DNAI4: variants seen among roughly 807,000 people sequenced by gnomAD.
DNAI4 encodes the protein WD repeat domain 78.
A neutral mutation model predicts 105.8 loss-of-function variants in DNAI4; 85 were observed. The observed-to-expected ratio is 0.80, with a 90% CI of 0.67 to 0.96. The LOEUF (loss-of-function observed/expected upper bound fraction) is 0.96. DNAI4 is among the 40% of genes least tolerant of loss of function. The pLI is 0.00. For missense variants in DNAI4, 1,014 were observed against 1,005.6 expected (o/e 1.01, Z -0.11); for synonymous variants, 352 against 331.5 (o/e 1.06, Z -0.67).
chr1:66,869,294 G>A (rs943037358), intron 6 of DNAI4, among the ~76,000 whole-genome samples: 8 of 151,846 alleles, frequency 5.3e-5, no homozygotes, highest in African/African-American at 1.7e-4. Context: ...TTGAGTTAAT[G>A]TATAATTCTA....
intron 3 of DNAI4, among the ~76,000 whole-genome samples, chr1:66,893,007 G>GGAAAGAAAGAAAGAA (rs1647863264): frequency 1.9e-5 from 2 of 104,814 alleles, no homozygotes; most frequent in African/African-American, 4.0e-5. Flanking sequence ...GAGAGAAAGA[G>GGAAAGAAAGAAAGAA]AGAGAGGAAA....
chr1:66,865,012 T>A (rs1165957731), intron 6 of DNAI4, among the ~76,000 whole-genome samples: 3 of 152,250 alleles, frequency 2.0e-5, no homozygotes, highest in Non-Finnish European at 2.9e-5. Flanking sequence ...ATTTTTTCTT[T>A]ACACTACACA....
intron 10 of DNAI4, 139 bp downstream of exon 10, chr1:66,837,571 C>G (rs1646054427): frequency 9.7e-7 from 1 of 1,025,828 alleles, no homozygotes; most frequent in Non-Finnish European, 1.4e-6. Context: ...ATTTTAATTG[C>G]TATGAAGTTA....
At chr1:66,914,341 C>G (rs1448633092) in intron 1 of DNAI4, among the ~76,000 whole-genome samples, 2 of 152,044 alleles carry the variant, frequency 1.3e-5, no homozygotes, top group Admixed American at 6.5e-5. Flanking sequence ...TCTGCCTGCT[C>G]TAAATCTGCT....
At chr1:66,923,356 G>A (rs182467120) in intron 1 of DNAI4, among the ~76,000 whole-genome samples, 7 of 152,278 alleles carry the variant, frequency 4.6e-5, no homozygotes, top group African/African-American at 1.7e-4. Context: ...TACACTAGAA[G>A]ATATTTGCAA....
intron 16 of DNAI4, among the ~76,000 whole-genome samples, chr1:66,815,951 A>G (rs1454083636): frequency 6.6e-6 from 1 of 152,146 alleles, no homozygotes; most frequent in Non-Finnish European, 1.5e-5. Context: ...ATCCTACCAC[A>G]AAAGTATTCT....
intron 4 of DNAI4, among the ~76,000 whole-genome samples, chr1:66,884,645 G>A (rs1647154129): frequency 6.6e-6 from 1 of 152,108 alleles, no homozygotes; most frequent in Non-Finnish European, 1.5e-5. Flanking sequence ...GAGGATTTTT[G>A]CATCCATGTT....
At chr1:66,843,577 C>T (rs918238030) in intron 8 of DNAI4, among the ~76,000 whole-genome samples, 2 of 152,088 alleles carry the variant, frequency 1.3e-5, no homozygotes, top group Non-Finnish European at 2.9e-5. Context: ...ATGGATCATG[C>T]ATTTGGTGTT....
intron 1 of DNAI4, among the ~76,000 whole-genome samples, chr1:66,911,766 G>A (rs1350383829): frequency 6.6e-6 from 1 of 152,190 alleles, no homozygotes. Flanking sequence ...TGTGAAGGAA[G>A]GAGTCAAGCT....
intron 7 of DNAI4, among the ~76,000 whole-genome samples, chr1:66,848,468 T>A (rs1339347671): frequency 2.0e-5 from 3 of 152,206 alleles, no homozygotes; most frequent in Non-Finnish European, 2.9e-5. Flanking sequence ...TTCCAGGGAT[T>A]GGGGTGTGCA....
chr1:66,853,912 T>C (rs1353571768), intron 7 of DNAI4, among the ~76,000 whole-genome samples: 1 of 151,728 alleles, frequency 6.6e-6, no homozygotes, highest in African/African-American at 2.4e-5. Flanking sequence ...GTAGATCAGA[T>C]AGAAAAAAAA....
intron 3 of DNAI4, among the ~76,000 whole-genome samples, chr1:66,892,008 T>G (rs1458522921): frequency 6.6e-6 from 1 of 152,236 alleles, no homozygotes; most frequent in Non-Finnish European, 1.5e-5. Flanking sequence ...ACTGTTCAAA[T>G]GTCATCTTAA....
intron 10 of DNAI4, among the ~76,000 whole-genome samples, chr1:66,836,229 A>G (rs1646002118): frequency 6.8e-6 from 1 of 147,718 alleles, no homozygotes; most frequent in Non-Finnish European, 1.5e-5. Context: ...AGAGAGAGAG[A>G]GAGAGAAAGA....
intron 3 of DNAI4, among the ~76,000 whole-genome samples, chr1:66,892,348 A>T (rs1315255131): frequency 6.6e-6 from 1 of 152,182 alleles, no homozygotes; most frequent in Admixed American, 6.5e-5. Context: ...AGAGATTTGC[A>T]TGGGAGAGGA....
intron 16 of DNAI4, among the ~76,000 whole-genome samples, chr1:66,814,940 G>A (rs1645486365): frequency 6.6e-6 from 1 of 152,118 alleles, no homozygotes; most frequent in African/African-American, 2.4e-5. Context: ...TATATAAGAG[G>A]ATGAAAATCA....
intron 6 of DNAI4, among the ~76,000 whole-genome samples, chr1:66,869,902 A>G (rs1646805612): frequency 2.0e-5 from 3 of 152,210 alleles, no homozygotes; most frequent in African/African-American, 7.2e-5. Flanking sequence ...CCAATCAAGT[A>G]AGTCATACCT....
intron 4 of DNAI4, among the ~76,000 whole-genome samples, chr1:66,879,841 T>C (rs1392227620): frequency 6.6e-6 from 1 of 152,198 alleles, no homozygotes; most frequent in Non-Finnish European, 1.5e-5. Context: ...GAAGTGTTTG[T>C]TCCTATGTTT....
At chr1:66,847,282 A>G (rs2100525660) in intron 8 of DNAI4, among the ~76,000 whole-genome samples, 1 of 152,214 alleles carries the variant, frequency 6.6e-6, no homozygotes, top group Non-Finnish European at 1.5e-5. Context: ...GAGTTTGTCT[A>G]AACATGATAT....
At chr1:66,854,752 C>T (rs1233926019) in intron 7 of DNAI4, among the ~76,000 whole-genome samples, 1 of 152,030 alleles carries the variant, frequency 6.6e-6, no homozygotes, top group Admixed American at 6.5e-5. Flanking sequence ...TGCATTGAGC[C>T]AAGATCATGC....
Sources: gnomAD v4.1 joint callset for allele counts (sites outside exome capture counted in the v4.1 genomes callset) on GRCh38, gnomAD v4.1.1 for gene constraint, MANE v1.5 for transcripts, NCBI Gene and HGNC (gene_info 2026-07-23, HGNC 2026-07-21) for gene names.